The following EFCAB6 variants were observed in gnomAD, a reference collection of about 807,000 sequenced individuals.
EFCAB6 encodes EF-hand calcium-binding domain-containing protein 6.
EFCAB6 carries 156 observed loss-of-function variants against 169.8 expected under a neutral mutation model. That is an observed-to-expected ratio of 0.92 (90% CI 0.81 to 1.05). The LOEUF is 1.05. Among genes scored for constraint, EFCAB6 ranks in the 50% least tolerant of loss-of-function variants. EFCAB6 has a pLI of 0.00. For synonymous variants in EFCAB6, 698 were observed against 676.4 expected (o/e 1.03, Z -0.50); for missense variants, 1,800 against 1,829.1 (o/e 0.98, Z 0.29).
intron 13 of EFCAB6, 141 bp from the exon 14 acceptor site, chr22:43,672,446 G>T: frequency 1.3e-6 from 1 of 769,854 alleles, no homozygotes; most frequent in Non-Finnish European, 2.1e-6. Context: ...AACGGAGCTT[G>T]CCCTCTAATA....
chr22:43,641,811 A>G lies in EFCAB6; in HGVS notation c.1984-6595T>C, dbSNP rs143333917. On this transcript the variant is annotated intron_variant, in intron 17 of 31. Coordinates refer to ENST00000262726, the MANE Select transcript of EFCAB6 (RefSeq NM_022785.4). ...GTGGGATCCTCATCAGTCTTCTCTT[A>G]ATACTACACTTAGCAAAGTTCTCTT... 2.0e-3 allele frequency among the ~76,000 whole-genome samples: 309 copies of G among 152,260 alleles called. 1 individual carries two copies. Among genetic ancestry groups the G allele is most frequent in the African/African-American group, 7.2e-3 (298 of 41,536 alleles).
chr22:43,696,200 A>C (rs956594243), intron 10 of EFCAB6, among the ~76,000 whole-genome samples: 3 of 152,156 alleles, frequency 2.0e-5, no homozygotes, highest in Non-Finnish European at 4.4e-5. Context: ...TCACATAAAA[A>C]GAGGATCAAT....
intron 2 of EFCAB6, among the ~76,000 whole-genome samples, chr22:43,805,441 A>G (rs1030061259): frequency 6.6e-6 from 1 of 152,230 alleles, no homozygotes; most frequent in Non-Finnish European, 1.5e-5. Context: ...AAATGAGATA[A>G]GCCAAGCACC....
At chr22:43,552,755 C>T (rs1248994216) in intron 27 of EFCAB6, 1 of 152,050 alleles carries the variant, frequency 6.6e-6, no homozygotes, top group African/African-American at 2.4e-5. Context: ...GTCAGCATGT[C>T]ATTAATTTCT....
At position 43,792,608 on chromosome 22, in the gene EFCAB6, A is replaced by C. The variant is rs1278964746; in HGVS notation, c.-7-10283T>G. On this transcript the variant is annotated intron_variant, in intron 2 of 31. Coordinates refer to ENST00000262726, the MANE Select transcript of EFCAB6 (RefSeq NM_022785.4). Reference sequence around the variant, plus strand: ...CAAGAAATGTGCTAATATTTATGAAACTTATAGTTATCATTTAACTCTTCC... The same window carrying C: ...CAAGAAATGTGCTAATATTTATGAACCTTATAGTTATCATTTAACTCTTCC... 2.6e-5 allele frequency among the ~76,000 whole-genome samples: 4 copies of C among 152,164 alleles called. 1 individual carries two copies. The highest frequency in any genetic ancestry group is 4.4e-5 in the Non-Finnish European group (3 of 68,034).
At chr22:43,706,585 G>A (rs2058968371) in intron 10 of EFCAB6, among the ~76,000 whole-genome samples, 1 of 152,118 alleles carries the variant, frequency 6.6e-6, no homozygotes, top group South Asian at 2.1e-4. Context: ...TGACTGACTG[G>A]GCAAACATAT....
At chr22:43,758,749 CAGG>C (rs1371564008) in intron 5 of EFCAB6, among the ~76,000 whole-genome samples, 2 of 152,220 alleles carry the variant, frequency 1.3e-5, no homozygotes, top group African/African-American at 2.4e-5. Context: ...TCAAGATCTG[CAGG>C]AGATTAACTG....
chr22:43,791,322 G>A (rs1255328774), intron 2 of EFCAB6, among the ~76,000 whole-genome samples: 3 of 150,716 alleles, frequency 2.0e-5, no homozygotes, highest in East Asian at 1.9e-4. Context: ...GCAGTGAGCG[G>A]AGACCACACC....
chr22:43,711,489 G>A lies in EFCAB6; in HGVS notation c.1017C>T (p.Ile339=). 6.3e-7 allele frequency: 1 copy of A among 1,581,704 alleles called. No individual in the cohort carries two copies. Among genetic ancestry groups the A allele is most frequent in the Non-Finnish European group, 8.5e-7 (1 of 1,171,368 alleles). ...FVYQIPRRIF[I]QLMKRFGLKA... The stretch of plus-strand genomic sequence containing the variant: ...GAGACTCTTACCTTTTCATTAACTG[G>A]ATAAAAATTCTTCTTGGTATTTGGT... Residue 339 remains isoleucine (I), a synonymous_variant, in exon 10 of 32, where the codon ATC becomes ATT. Coordinates refer to ENST00000262726, the MANE Select transcript of EFCAB6 (RefSeq NM_022785.4).
rs2057296785 is a variant in EFCAB6 at position 43,667,094 on chromosome 22, A to C, written c.1983+10T>G. The stretch of plus-strand genomic sequence containing the variant: ...GCAGGATAGAAACAAAGAGAAACCC[A>C]TTCTCCTACCTTCTTAAAGTCATGC... On this transcript the variant is annotated intron_variant, in intron 17 of 31. Coordinates refer to ENST00000262726, the MANE Select transcript of EFCAB6 (RefSeq NM_022785.4). 6.2e-7 allele frequency: 1 copy of C among 1,610,410 alleles called. No homozygotes were observed. The highest frequency in any genetic ancestry group is 8.5e-7 in the Non-Finnish European group (1 of 1,178,418).
intron 23 of EFCAB6, among the ~76,000 whole-genome samples, chr22:43,598,326 A>ACAAAAC (rs772453314): frequency 6.7e-6 from 1 of 148,552 alleles, no homozygotes; most frequent in Non-Finnish European, 1.5e-5. Context: ...AAAAAAAAAA[A>ACAAAAC]AAAAAAAAAA....
At chr22:43,598,773 A>G (rs2052252609) in intron 23 of EFCAB6, among the ~76,000 whole-genome samples, 1 of 152,192 alleles carries the variant, frequency 6.6e-6, no homozygotes, top group South Asian at 2.1e-4. Context: ...ATATGCTCCT[A>G]CTATGTACCC....
intron 17 of EFCAB6, among the ~76,000 whole-genome samples, chr22:43,666,691 G>GTTTTTTTTTT (rs137764): frequency 7.7e-5 from 6 of 77,882 alleles, no homozygotes; most frequent in African/African-American, 1.0e-4. Context: ...CTGCCAGATT[G>GTTTTTTTTTT]TTTTTTTTTT....
At chr22:43,685,198 T>C (rs1420342530) in intron 11 of EFCAB6, among the ~76,000 whole-genome samples, 1 of 152,172 alleles carries the variant, frequency 6.6e-6, no homozygotes, top group African/African-American at 2.4e-5. Context: ...GGTACCAAGT[T>C]GCCGAGAGCA....
At chr22:43,731,523 C>A (rs1178350984) in intron 8 of EFCAB6, among the ~76,000 whole-genome samples, 176 bp downstream of exon 8, 2 of 152,148 alleles carry the variant, frequency 1.3e-5, no homozygotes, top group Non-Finnish European at 2.9e-5. Flanking sequence ...ACTCATTTAG[C>A]CTTTTCCTAT....
At chr22:43,601,545 AG>A (rs1385843394) in intron 22 of EFCAB6, among the ~76,000 whole-genome samples, 1 of 152,216 alleles carries the variant, frequency 6.6e-6, no homozygotes, top group Non-Finnish European at 1.5e-5. Flanking sequence ...TTCCTTTGAG[AG>A]GTACAGCTCC....
At chr22:43,660,421 C>A (rs1204529076) in intron 17 of EFCAB6, among the ~76,000 whole-genome samples, 1 of 152,108 alleles carries the variant, frequency 6.6e-6, no homozygotes, top group East Asian at 1.9e-4. Context: ...CTACATTTGC[C>A]TACCTGATAC....
chr22:43,572,005 C>T lies in EFCAB6; in HGVS notation c.3420+4292G>A, dbSNP rs117182543. Among the ~76,000 whole-genome samples the T allele has an allele frequency of 3.1e-3, 475 of 152,274 alleles. 1 individual carries two copies. The highest frequency in any genetic ancestry group is 5.6e-3 in the Non-Finnish European group (379 of 68,024). ...TCCTAGGCCAATTTAGGGGGTTGATCCCATTGAATTCCCAGAAAACAGATC... is the reference window on the plus strand; with the variant it reads ...TCCTAGGCCAATTTAGGGGGTTGATTCCATTGAATTCCCAGAAAACAGATC... On this transcript the variant is annotated intron_variant, in intron 26 of 31. Transcript: ENST00000262726. The surrounding 1 kb of genome is among the most constrained non-coding windows in gnomAD (Gnocchi z 4.0).
In EFCAB6 at chr22:43,658,483, G is replaced by A. The variant is rs137868665; in HGVS notation, c.1983+8621C>T. On this transcript the variant is annotated intron_variant, in intron 17 of 31. Transcript: ENST00000262726. Reference sequence around the variant, plus strand: ...ACCCGGGTGGGCCCAAGTTATGACTGGTTTCCCTTTGCAGACAGGAGCCGA... The same window carrying A: ...ACCCGGGTGGGCCCAAGTTATGACTAGTTTCCCTTTGCAGACAGGAGCCGA... Among the ~76,000 whole-genome samples, 4 of 152,270 alleles carry A rather than the reference G, an allele frequency of 2.6e-5. No individual in the cohort carries two copies. The East Asian group carries it at 7.7e-4, about 29-fold the overall frequency.
Sources: allele counts gnomAD v4.1 joint callset (sites outside exome capture counted in the v4.1 genomes callset), GRCh38; gene constraint gnomAD v4.1.1; non-coding constraint Gnocchi (gnomAD v3.1); transcripts MANE v1.5; gene names NCBI Gene and HGNC (gene_info 2026-07-23, HGNC 2026-07-21).